Variants in TMEM232 observed in about 807,000 individuals in gnomAD.
TMEM232 encodes transmembrane protein 232.
A neutral mutation model predicts 78.8 loss-of-function variants in TMEM232; 80 were observed. The observed-to-expected ratio is 1.01, with a 90% confidence interval of 0.85 to 1.22. The LOEUF (loss-of-function observed/expected upper bound fraction) is 1.22, where lower values mean the gene tolerates loss of function less well. Among genes scored for constraint, TMEM232 ranks in the 50% most tolerant of loss-of-function variants. The pLI is 0.00. For synonymous variants in TMEM232, 297 were observed against 254.3 expected, an observed-to-expected ratio of 1.17 and a Z score of -1.60; for missense variants, 881 against 742.2, an observed-to-expected ratio of 1.19 and a Z score of -2.17.
intron 1 of TMEM232, among the ~76,000 whole-genome samples, chr5:110,715,979 T>G (rs1253124887): frequency 2.6e-5 from 4 of 152,106 alleles, no homozygotes; most frequent in Admixed American, 2.6e-4. Context: ...ATCAGAAAAT[T>G]TTTAAATCTA....
intron 5 of TMEM232, among the ~76,000 whole-genome samples, chr5:110,631,386 C>A (rs1245170932): frequency 6.6e-6 from 1 of 152,122 alleles, no homozygotes; most frequent in Admixed American, 6.5e-5. Flanking sequence ...CACCCCCGAC[C>A]CAACACTGCA....
At chr5:110,508,843 T>C (rs922358262) in intron 12 of TMEM232, among the ~76,000 whole-genome samples, 1 of 144,956 alleles carries the variant, frequency 6.9e-6, no homozygotes, top group Non-Finnish European at 1.5e-5. Flanking sequence ...TAATTATATA[T>C]ATATATAATT....
intron 11 of TMEM232, among the ~76,000 whole-genome samples, chr5:110,539,931 A>C (rs1386308020): frequency 6.6e-6 from 1 of 152,164 alleles, no homozygotes; most frequent in Admixed American, 6.5e-5. Context: ...ACCAAGCAAC[A>C]GCTTTGTTCT....
chr5:110,635,506 C>A (rs1434999038), intron 5 of TMEM232, among the ~76,000 whole-genome samples: 1 of 151,952 alleles, frequency 6.6e-6, no homozygotes, highest in Non-Finnish European at 1.5e-5. Flanking sequence ...TGGATTTATA[C>A]CAGGGAATCA....
chr5:110,518,244 T>C (rs1768983449), intron 12 of TMEM232, among the ~76,000 whole-genome samples: 1 of 152,136 alleles, frequency 6.6e-6, no homozygotes, highest in South Asian at 2.1e-4. Context: ...TGCTTTTTCT[T>C]AATCTGCTTT....
rs182537987 is a variant in TMEM232, at chr5:110,599,119, C to G, written c.1276+5990G>C. ...AAAATCCTTTAGAGACAAGGAAATG[C>G]TAAAGGATTTTGTCACCATCAGGCC... is the stretch of plus-strand genomic sequence containing the variant. On this transcript the variant is annotated intron_variant, in intron 10 of 13. Coordinates refer to ENST00000455884, the MANE Select transcript of TMEM232 (RefSeq NM_001039763.4). Among the ~76,000 whole-genome samples, 6 of 152,084 alleles carry G rather than the reference C, an allele frequency of 3.9e-5. No homozygotes were observed. The East Asian group carries it at 1.2e-3, about 29-fold the overall frequency.
At chr5:110,462,821 G>A (rs1273679197) in intron 12 of TMEM232, among the ~76,000 whole-genome samples, 1 of 152,108 alleles carries the variant, frequency 6.6e-6, no homozygotes, top group Non-Finnish European at 1.5e-5. Flanking sequence ...TAGAGGTGGT[G>A]GAAATAGCAG....
downstream of TMEM232, among the ~76,000 whole-genome samples, chr5:110,418,420 G>T (rs577359485): frequency 1.3e-5 from 2 of 152,210 alleles, no homozygotes; most frequent in East Asian, 1.9e-4. Flanking sequence ...ATTGCAAAAA[G>T]AATCAGTGAA....
At chr5:110,655,721 C>G (rs1297413359) in intron 2 of TMEM232, among the ~76,000 whole-genome samples, 2 of 151,574 alleles carry the variant, frequency 1.3e-5, no homozygotes, top group African/African-American at 4.9e-5. Context: ...GAATACTATG[C>G]AGCCATAAAA....
rs149432689 is a variant in TMEM232 at position 110,420,680 on chromosome 5, G to T, written c.1874C>A (p.Ala625Glu). ...KAQELKDKKL[A>E]EKNHFQEVMK... Reference sequence around the variant, plus strand: ...AACTTCTTGAAAGTGATTTTTCTCTGCTAACTTTTTATCTTTAAGTTCTTG... The same window carrying T: ...AACTTCTTGAAAGTGATTTTTCTCTTCTAACTTTTTATCTTTAAGTTCTTG... The change falls in exon 14 of 14, where the codon GCA (alanine) becomes GAA (glutamate). Residue 625 changes from alanine to glutamate, a missense_variant. Coordinates refer to ENST00000455884, the MANE Select transcript of TMEM232 (RefSeq NM_001039763.4). 9.9e-5 allele frequency: 151 copies of T among 1,524,634 alleles called. No homozygotes were observed. In the African/African-American group the frequency reaches 2.0e-3, roughly 20 times the overall value. 94.4% of individuals were successfully genotyped at this position (1,524,634 alleles called of 1,614,324 possible).
rs140300662 is a variant in TMEM232, at chr5:110,550,228, G to A, written c.1455+18219C>T. Among the ~76,000 whole-genome samples, 3 of 152,226 alleles carry A rather than the reference G, an allele frequency of 2.0e-5. No individual in the cohort carries two copies. The East Asian group carries it at 5.8e-4, about 29-fold the overall frequency. On this transcript the variant is annotated intron_variant, in intron 11 of 13. Transcript: ENST00000455884. ...AATCATACCAAATGATGCATGAAAT[G>A]TATTTGGTAAAATTCTATATCAATT...
At chr5:110,711,400 G>GA (rs1473454604) in intron 1 of TMEM232, among the ~76,000 whole-genome samples, 1 of 151,946 alleles carries the variant, frequency 6.6e-6, no homozygotes. Flanking sequence ...CAGAGTAATA[G>GA]AAAAAAACTA....
At chr5:110,665,478 T>A (rs1301395900) in intron 2 of TMEM232, among the ~76,000 whole-genome samples, 2 of 151,912 alleles carry the variant, frequency 1.3e-5, no homozygotes, top group Non-Finnish European at 2.9e-5. Flanking sequence ...AAATTTACAA[T>A]CATGGCAGAA....
intron 11 of TMEM232, among the ~76,000 whole-genome samples, chr5:110,533,003 T>G (rs1771775883): frequency 6.6e-6 from 1 of 152,208 alleles, no homozygotes; most frequent in Non-Finnish European, 1.5e-5. Flanking sequence ...CAAACTGTTT[T>G]GCCTATCCAC....
chr5:110,440,750 ACC>A (rs1395856474), intron 12 of TMEM232, among the ~76,000 whole-genome samples: 12 of 152,244 alleles, frequency 7.9e-5, no homozygotes, highest in Non-Finnish European at 2.9e-5. Context: ...TATTGAGGCA[ACC>A]TACGCACTAT....
intron 5 of TMEM232, among the ~76,000 whole-genome samples, chr5:110,635,490 T>A (rs1785677841): frequency 6.6e-6 from 1 of 151,922 alleles, no homozygotes; most frequent in Non-Finnish European, 1.5e-5. Flanking sequence ...TACAACACGA[T>A]CAAATTGGAT....
intron 5 of TMEM232, among the ~76,000 whole-genome samples, chr5:110,632,431 G>GA (rs199516301): frequency 0.024 from 3,701 of 151,686 alleles, 47 homozygotes; most frequent in African/African-American, 0.033. Flanking sequence ...ACATCACAGG[G>GA]AAAAAAATCA....
At chr5:110,539,815 G>T (rs115449917) in intron 11 of TMEM232, among the ~76,000 whole-genome samples, 1 of 152,142 alleles carries the variant, frequency 6.6e-6, no homozygotes, top group Admixed American at 6.5e-5. Context: ...GGAAGGCTTA[G>T]AATAACCTTC....
intron 12 of TMEM232, among the ~76,000 whole-genome samples, chr5:110,501,090 G>T (rs952099453): frequency 2.0e-5 from 3 of 152,084 alleles, no homozygotes; most frequent in East Asian, 3.9e-4. Context: ...TTTCCCCAAA[G>T]AAAGTGACAT....
Sources: gnomAD v4.1 joint callset for allele counts (sites outside exome capture counted in the v4.1 genomes callset) on GRCh38, gnomAD v4.1.1 for gene constraint, MANE v1.5 for transcripts, NCBI Gene and HGNC (gene_info 2026-07-23, HGNC 2026-07-21) for gene names.